KCNK9: variants seen among roughly 807,000 people sequenced by gnomAD.
The protein encoded by KCNK9 is potassium two pore domain channel subfamily K member 9.
KCNK9 carries 1 observed loss-of-function variant against 10.8 expected under a neutral mutation model. That is an observed-to-expected ratio of 0.09 (90% CI 0.03 to 0.44). The LOEUF is 0.44. Among genes scored for constraint, KCNK9 ranks in the 20% least tolerant of loss-of-function variants. The probability of loss-of-function intolerance (pLI) is 0.97; values close to 1 mark genes in which losing one functional copy is unlikely to be tolerated. For synonymous variants in KCNK9, 231 were observed against 222.7 expected, an observed-to-expected ratio of 1.04 and a Z score of -0.33; for missense variants, 303 against 515.0, an observed-to-expected ratio of 0.59 and a Z score of 3.98.
chr8:139,622,575 T>C (rs1424551009), intron 1 of KCNK9, among the ~76,000 whole-genome samples: 1 of 152,212 alleles, frequency 6.6e-6, no homozygotes, highest in African/African-American at 2.4e-5. Flanking sequence ...GGCATGTTAA[T>C]AGCTCTCCAC....
intron 1 of KCNK9, among the ~76,000 whole-genome samples, chr8:139,680,225 C>T (rs1816658417): frequency 6.6e-6 from 1 of 152,214 alleles, no homozygotes. Context: ...GGCACAGGGA[C>T]CACAAGTTCC....
chr8:139,673,698 C>G (rs1426665838), intron 1 of KCNK9, among the ~76,000 whole-genome samples: 3 of 152,218 alleles, frequency 2.0e-5, no homozygotes. Flanking sequence ...GGGTTAAGCC[C>G]CTTTGCAGTT....
chr8:139,634,827 C>T (rs900874428), intron 1 of KCNK9, among the ~76,000 whole-genome samples: 2 of 152,166 alleles, frequency 1.3e-5, no homozygotes, highest in Non-Finnish European at 2.9e-5. Context: ...AGCCATCAGC[C>T]GAGGCCTGCC....
intron 1 of KCNK9, among the ~76,000 whole-genome samples, chr8:139,665,583 T>C (rs959284563): frequency 1.3e-5 from 2 of 152,220 alleles, no homozygotes; most frequent in Non-Finnish European, 2.9e-5. Context: ...AACTGTTAGG[T>C]GCCTACCTTG....
At chr8:139,690,458 A>T (rs930586572) in intron 1 of KCNK9, among the ~76,000 whole-genome samples, 1 of 152,160 alleles carries the variant, frequency 6.6e-6, no homozygotes, top group Non-Finnish European at 1.5e-5. Context: ...ACTAAGACAA[A>T]CCAATGAGGG....
chr8:139,642,326 A>G (rs1225808754), intron 1 of KCNK9, among the ~76,000 whole-genome samples: 2 of 152,240 alleles, frequency 1.3e-5, no homozygotes, highest in African/African-American at 2.4e-5. Flanking sequence ...CGTTGCACGA[A>G]GACGATTCTA....
intron 1 of KCNK9, among the ~76,000 whole-genome samples, chr8:139,687,637 TATGTATACATATATATTCATATGTATAC>T (rs1364963602): frequency 1.8e-5 from 2 of 109,882 alleles, no homozygotes; most frequent in African/African-American, 6.4e-5. Flanking sequence ...TATGTATACA[TATGTATACATATATATTCATATGTATAC>T]ATATGTATAC....
At chr8:139,629,535 C>T (rs748135751) in intron 1 of KCNK9, among the ~76,000 whole-genome samples, 22 of 152,182 alleles carry the variant, frequency 1.4e-4, no homozygotes, top group Non-Finnish European at 2.9e-4. Flanking sequence ...GAGATGCAGT[C>T]CTGACGGGCA....
intron 1 of KCNK9, among the ~76,000 whole-genome samples, chr8:139,647,022 G>A (rs1563733230): frequency 6.6e-6 from 1 of 152,218 alleles, no homozygotes; most frequent in Non-Finnish European, 1.5e-5. Context: ...GGGTCCATCT[G>A]GGCACTGGGC....
chr8:139,648,211 T>C (rs1304316741), intron 1 of KCNK9, among the ~76,000 whole-genome samples: 1 of 152,102 alleles, frequency 6.6e-6, no homozygotes, highest in Non-Finnish European at 1.5e-5. Flanking sequence ...ATGTCCACCC[T>C]AGGCAAATCC....
At chr8:139,669,354 C>T (rs892115029) in intron 1 of KCNK9, among the ~76,000 whole-genome samples, 6 of 152,184 alleles carry the variant, frequency 3.9e-5, no homozygotes, top group Admixed American at 3.9e-4. Flanking sequence ...TAGCAATTTC[C>T]ACGGACTAGG....
chr8:139,604,366 G>A (rs1817439512), intron 2 of KCNK9, among the ~76,000 whole-genome samples: 1 of 152,174 alleles, frequency 6.6e-6, no homozygotes, highest in Non-Finnish European at 1.5e-5. Context: ...AAAGCAGGCT[G>A]GAGAGGCACC....
At chr8:139,692,796 C>G (rs1455486648) in intron 1 of KCNK9, among the ~76,000 whole-genome samples, 2 of 152,208 alleles carry the variant, frequency 1.3e-5, no homozygotes, top group Admixed American at 1.3e-4. Context: ...ACTGAATGCC[C>G]ATGCCCTGGC....
intron 1 of KCNK9, among the ~76,000 whole-genome samples, chr8:139,673,376 G>T (rs1305324800): frequency 6.6e-6 from 1 of 152,218 alleles, no homozygotes; most frequent in Non-Finnish European, 1.5e-5. Flanking sequence ...TCTCAATAAA[G>T]CCGCTACAAA....
chr8:139,696,338 A>G (rs1250568046), intron 1 of KCNK9, among the ~76,000 whole-genome samples: 2 of 152,234 alleles, frequency 1.3e-5, no homozygotes, highest in Non-Finnish European at 2.9e-5. Flanking sequence ...TGAGCAATAC[A>G]TTTGTGAAAT....
At chr8:139,628,180 TG>T (rs1303611840) in intron 1 of KCNK9, among the ~76,000 whole-genome samples, 1 of 151,474 alleles carries the variant, frequency 6.6e-6, no homozygotes, top group East Asian at 2.0e-4. Context: ...GTGAGGCGAG[TG>T]GGGGTCAGTG....
rs1442747473 is a variant in KCNK9 at position 139,677,784 on chromosome 8, G to A, written c.283+24926C>T. Among the ~76,000 whole-genome samples the A allele has an allele frequency of 2.9e-3, 406 of 138,446 alleles. 5 individuals carry two copies. Among genetic ancestry groups the A allele is most frequent in the African/African-American group, 0.012 (370 of 31,794 alleles). The allele number at this position is 138,446 out of a possible 152,430, so 90.8% of individuals were successfully genotyped here. A position where few individuals can be genotyped will look rare whatever the true frequency, so the allele number is the denominator to read the frequency against. On this transcript the variant is annotated intron_variant, in intron 1 of 1. Coordinates refer to ENST00000520439, the MANE Select transcript of KCNK9 (RefSeq NM_001282534.2). The stretch of plus-strand genomic sequence containing the variant: ...ACATCTGATCCCAATGTGTCCCCAT[G>A]GCTGCAGAGTAATACCTCACCTCCC...
At chr8:139,601,561 G>A (rs1370965404) in exon 3 of KCNK9, 1 of 152,230 alleles carries the variant, frequency 6.6e-6, no homozygotes, top group Admixed American at 6.5e-5. Context: ...TACAGAAGGA[G>A]AGAGCTGTCC....
At chr8:139,640,613 C>G (rs1256087081) in intron 1 of KCNK9, among the ~76,000 whole-genome samples, 1 of 152,220 alleles carries the variant, frequency 6.6e-6, no homozygotes, top group Non-Finnish European at 1.5e-5. Flanking sequence ...CCACCAGGGC[C>G]TGTGCAACCT....
Sources: allele counts gnomAD v4.1 joint callset (sites outside exome capture counted in the v4.1 genomes callset), GRCh38; gene constraint gnomAD v4.1.1; transcripts MANE v1.5; gene names NCBI Gene and HGNC (gene_info 2026-07-23, HGNC 2026-07-21).